PRKN: variants seen among roughly 807,000 people sequenced by gnomAD.
PRKN encodes the protein E3 ubiquitin-protein ligase parkin.
A neutral mutation model predicts 59.5 loss-of-function variants in PRKN; 56 were observed. The ratio of observed to expected loss-of-function variants is 0.94; its 90% CI spans 0.76 to 1.18. The LOEUF is 1.18. Among genes scored for constraint, PRKN ranks in the 50% most tolerant of loss-of-function variants. The pLI is 0.00. For missense variants in PRKN, 657 were observed against 596.4 expected, an observed-to-expected ratio of 1.10 and a Z score of -1.06; for synonymous variants, 250 against 222.1, an observed-to-expected ratio of 1.13 and a Z score of -1.12.
At position 161,753,259 on chromosome 6, in the gene PRKN, A is replaced by G. The variant is rs188608706; in HGVS notation, c.871+32513T>C. Among the ~76,000 whole-genome samples the G allele has an allele frequency of 1.7e-3, 255 of 152,224 alleles. 1 individual carries two copies. The highest frequency in any genetic ancestry group is 5.8e-3 in the African/African-American group (239 of 41,538). ...CTGGTTGGGGAGGAGAAGCTAATAA[A>G]GGAGACAGAAGGAGCCACCACCGAG... On this transcript the variant is annotated intron_variant, in intron 7 of 11. Coordinates refer to ENST00000366898, the MANE Select transcript of PRKN (RefSeq NM_004562.3).
intron 1 of PRKN, among the ~76,000 whole-genome samples, chr6:162,617,700 T>C (rs752051175): frequency 3.3e-5 from 5 of 152,354 alleles, no homozygotes; most frequent in African/African-American, 7.2e-5. Context: ...AATTATGCAG[T>C]TATCTGTCTT....
At chr6:161,895,521 C>CTTTTTCACA (rs1562371947) in intron 6 of PRKN, among the ~76,000 whole-genome samples, 1 of 96,944 alleles carries the variant, frequency 1.0e-5, no homozygotes, top group African/African-American at 5.9e-5. Flanking sequence ...GCCGTTATGC[C>CTTTTTCACA]CCCCAGTGAG....
In PRKN at chr6:162,696,559, C is replaced by CTTT. The variant is rs748055251; in HGVS notation, c.7+31100_7+31102dup. The stretch of plus-strand genomic sequence containing the variant: ...TTCAAATGATTTGTGTCAGGAAAAA[C>CTTT]TTTTTTTTTTTTTTCTTTTTTTTGA... On this transcript the variant is annotated intron_variant, in intron 1 of 11. Coordinates refer to ENST00000366898, the MANE Select transcript of PRKN (RefSeq NM_004562.3). 7.6e-3 allele frequency among the ~76,000 whole-genome samples: 823 copies of CTTT among 108,430 alleles called. 51 individuals carry two copies. The highest frequency in any genetic ancestry group is 0.019 in the African/African-American group (534 of 27,800). 71.1% of individuals were successfully genotyped at this position (108,430 alleles called of 152,430 possible).
At chr6:161,720,124 C>T (rs1787159912) in intron 7 of PRKN, among the ~76,000 whole-genome samples, 1 of 152,146 alleles carries the variant, frequency 6.6e-6, no homozygotes, top group South Asian at 2.1e-4. Flanking sequence ...ATAATTAAGG[C>T]TAAAGTATAA....
rs1322053399 is a variant in PRKN at position 161,527,552 on chromosome 6, C to A, written c.1083+21302G>T. 6.6e-6 allele frequency among the ~76,000 whole-genome samples: 1 copy of A among 152,254 alleles called. No homozygotes were observed. The highest frequency in any genetic ancestry group is 6.5e-5 in the Admixed American group (1 of 15,290). On this transcript the variant is annotated intron_variant, in intron 9 of 11. Transcript: ENST00000366898. This position sits in a 1 kb window ranked among gnomAD's most constrained non-coding sequence, Gnocchi z 4.6. The stretch of plus-strand genomic sequence containing the variant: ...TACCAAGTGCTGTGGCCTCTCTCTG[C>A]CTGAGGGGTGGAGTGAGGAACATCT...
Position 162,297,179 on chromosome 6 carries a change from T to C in PRKN, c.172-34414A>G, listed in dbSNP as rs1046661304. On this transcript the variant is annotated intron_variant, in intron 2 of 11. Coordinates refer to ENST00000366898, the MANE Select transcript of PRKN (RefSeq NM_004562.3). ...GATTCTAGAATTTTTCTTTTCTTTT[T>C]TTTTTTTTTTGTAAGCATCTTAGTT... Among the ~76,000 whole-genome samples the C allele has an allele frequency of 3.3e-5, 5 of 151,136 alleles. No homozygotes were observed. In the East Asian group the frequency reaches 5.8e-4, roughly 18 times the overall value.
rs959844000 is a variant in PRKN at position 161,561,455 on chromosome 6, A to G, written c.933+7900T>C. Among the ~76,000 whole-genome samples the G allele has an allele frequency of 6.6e-6, 1 of 152,160 alleles. No individual in the cohort carries two copies. Among genetic ancestry groups the G allele is most frequent in the Non-Finnish European group, 1.5e-5 (1 of 68,028 alleles). ...AACAGATGTTTCCTAAGCACACTCT[A>G]AGTGTCAAGTACTCTTCTATGTGGA... On this transcript the variant is annotated intron_variant, in intron 8 of 11. Transcript: ENST00000366898. This position sits in a 1 kb window ranked among gnomAD's most constrained non-coding sequence, Gnocchi z 5.0.
intron 4 of PRKN, among the ~76,000 whole-genome samples, chr6:162,090,697 A>T (rs905103287): frequency 6.6e-6 from 1 of 152,240 alleles, no homozygotes; most frequent in Non-Finnish European, 1.5e-5. Context: ...TAACTTTGCA[A>T]TGATGTAGGA....
chr6:162,116,743 A>G (rs559042817), intron 4 of PRKN, among the ~76,000 whole-genome samples: 1 of 152,208 alleles, frequency 6.6e-6, no homozygotes, highest in Non-Finnish European at 1.5e-5. Context: ...ACACTGAAAT[A>G]AGTGAAATTG....
At chr6:162,711,420 T>TTA (rs1554264285) in intron 1 of PRKN, among the ~76,000 whole-genome samples, 11 of 144,332 alleles carry the variant, frequency 7.6e-5, no homozygotes, top group East Asian at 2.1e-4. Flanking sequence ...AACTGCTATT[T>TTA]AAAAAAAAAA....
chr6:161,458,070 C>T lies in PRKN; in HGVS notation c.1084-71193G>A, dbSNP rs930950130. The stretch of plus-strand genomic sequence containing the variant: ...GAATATCCTAGCTGTTATGGGAATA[C>T]TTATAAGAAGAAAAAGAGAAATACA... On this transcript the variant is annotated intron_variant, in intron 9 of 11. Transcript: ENST00000366898. This position sits in a 1 kb window ranked among gnomAD's most constrained non-coding sequence, Gnocchi z 6.1. 1.6e-4 allele frequency among the ~76,000 whole-genome samples: 25 copies of T among 152,238 alleles called. No homozygotes were observed. Among genetic ancestry groups the T allele is most frequent in the African/African-American group, 5.8e-4 (24 of 41,546 alleles).
intron 6 of PRKN, among the ~76,000 whole-genome samples, chr6:161,849,419 GTTAT>G (rs1401027274): frequency 6.6e-6 from 1 of 151,982 alleles, no homozygotes; most frequent in African/African-American, 2.4e-5. Context: ...CATCTACTTT[GTTAT>G]TTATTCCATT....
chr6:162,460,743 C>A (rs796680027), intron 1 of PRKN, among the ~76,000 whole-genome samples: 3 of 152,136 alleles, frequency 2.0e-5, no homozygotes, highest in African/African-American at 7.2e-5. Flanking sequence ...AAGAAACTTA[C>A]AAAATTTGTA....
intron 7 of PRKN, among the ~76,000 whole-genome samples, chr6:161,639,403 CT>C (rs1783654384): frequency 6.6e-6 from 1 of 152,194 alleles, no homozygotes; most frequent in African/African-American, 2.4e-5. Context: ...CTGGCTTCAT[CT>C]TTCCCCATGG....
chr6:162,479,854 C>T (rs1311574288), intron 1 of PRKN, among the ~76,000 whole-genome samples: 1 of 151,604 alleles, frequency 6.6e-6, no homozygotes, highest in Non-Finnish European at 1.5e-5. Flanking sequence ...ATCACGAGGT[C>T]AAGAGATTGA....
At chr6:161,873,124 A>G (rs190380847) in intron 6 of PRKN, among the ~76,000 whole-genome samples, 4 of 151,974 alleles carry the variant, frequency 2.6e-5, no homozygotes, top group Admixed American at 2.0e-4. Flanking sequence ...GTTCTCAATG[A>G]ATCTGTGCTG....
intron 2 of PRKN, among the ~76,000 whole-genome samples, chr6:162,311,559 T>G (rs1315506624): frequency 6.7e-6 from 1 of 148,834 alleles, no homozygotes; most frequent in Non-Finnish European, 1.5e-5. Context: ...CTTGGCTCAC[T>G]GCAACCTCCA....
chr6:161,927,788 C>T (rs890528003), intron 6 of PRKN, among the ~76,000 whole-genome samples: 135 of 150,246 alleles, frequency 9.0e-4, no homozygotes, highest in Non-Finnish European at 3.5e-4. Flanking sequence ...AAAAAAAAAA[C>T]TTTACAAAAA....
chr6:162,650,046 C>T (rs1236075489), intron 1 of PRKN, among the ~76,000 whole-genome samples: 1 of 152,210 alleles, frequency 6.6e-6, no homozygotes, highest in Non-Finnish European at 1.5e-5. Context: ...ACGTGACTCT[C>T]AAGCGGCCAT....
Sources: gnomAD v4.1 joint callset for allele counts (sites outside exome capture counted in the v4.1 genomes callset) on GRCh38, gnomAD v4.1.1 for gene constraint, Gnocchi (gnomAD v3.1) non-coding constraint, MANE v1.5 for transcripts, NCBI Gene and HGNC (gene_info 2026-07-23, HGNC 2026-07-21) for gene names.